ARFIP1: variants seen among roughly 807,000 people sequenced by gnomAD.
ARFIP1 encodes ARF interacting protein 1, also known as arfaptin-1.
A neutral mutation model predicts 42.5 loss-of-function variants in ARFIP1; 24 were observed. That is an observed-to-expected ratio of 0.57 (90% CI 0.41 to 0.80). The LOEUF (loss-of-function observed/expected upper bound fraction) is 0.80, where lower values mean the gene tolerates loss of function less well. Among genes scored for constraint, ARFIP1 ranks in the 30% least tolerant of loss-of-function variants. ARFIP1 has a pLI of 0.00. For missense variants in ARFIP1, 354 were observed against 434.0 expected (o/e 0.82, Z 1.64); for synonymous variants, 141 against 153.7 (o/e 0.92, Z 0.61).
At chr4:152,874,647 G>C (rs1380555713) in intron 5 of ARFIP1, among the ~76,000 whole-genome samples, 2 of 152,096 alleles carry the variant, frequency 1.3e-5, no homozygotes, top group Non-Finnish European at 2.9e-5. Flanking sequence ...TCAGGACTGT[G>C]CTTGTTATCC....
At chr4:152,871,544 A>G (rs1734882997) in intron 4 of ARFIP1, among the ~76,000 whole-genome samples, 2 of 151,776 alleles carry the variant, frequency 1.3e-5, no homozygotes, top group South Asian at 4.2e-4. Context: ...TCGGACTGGT[A>G]AAGCTATGGG....
intron 3 of ARFIP1, among the ~76,000 whole-genome samples, chr4:152,867,182 C>T (rs1413755597): frequency 1.3e-5 from 2 of 152,220 alleles, no homozygotes; most frequent in African/African-American, 2.4e-5. Context: ...CGAGATCACG[C>T]CACTGCACTC....
chr4:152,893,888 C>T (rs1357711962), intron 8 of ARFIP1, among the ~76,000 whole-genome samples: 1 of 152,020 alleles, frequency 6.6e-6, no homozygotes, highest in Non-Finnish European at 1.5e-5. Flanking sequence ...CACAGTGTTT[C>T]ATATATAATC....
chr4:152,850,620 A>C (rs1393970742), intron 2 of ARFIP1: 1 of 152,152 alleles, frequency 6.6e-6, no homozygotes, highest in Non-Finnish European at 1.5e-5. Flanking sequence ...CCTTGTTTTG[A>C]AATTCGGATT....
At chr4:152,781,952 G>A (rs192949182) in intron 1 of ARFIP1, among the ~76,000 whole-genome samples, 259 of 152,298 alleles carry the variant, frequency 1.7e-3, no homozygotes, top group Admixed American at 0.013. Flanking sequence ...AGTGTCCATT[G>A]TTTTTATCAA....
At chr4:152,889,535 AC>A (rs2149898179) in intron 8 of ARFIP1, among the ~76,000 whole-genome samples, 1 of 30,480 alleles carries the variant, frequency 3.3e-5, no homozygotes, top group African/African-American at 7.2e-5. Context: ...ATATATATAT[AC>A]ACCTATTTTT....
At chr4:152,819,528 G>A (rs1312902970) in intron 1 of ARFIP1, among the ~76,000 whole-genome samples, 1 of 152,178 alleles carries the variant, frequency 6.6e-6, no homozygotes, top group Non-Finnish European at 1.5e-5. Context: ...CCAGCCTGGA[G>A]TATGGCAGCT....
intron 1 of ARFIP1, among the ~76,000 whole-genome samples, chr4:152,804,456 A>G (rs1411513786): frequency 9.0e-6 from 1 of 111,256 alleles, no homozygotes; most frequent in African/African-American, 3.4e-5. Flanking sequence ...TATATATTAT[A>G]TATAATATAT....
chr4:152,879,718 G>A (rs1382743790), intron 5 of ARFIP1, among the ~76,000 whole-genome samples: 2 of 152,056 alleles, frequency 1.3e-5, no homozygotes, highest in Middle Eastern at 3.2e-3. Flanking sequence ...GTGTGGTGTC[G>A]CATGCCTCTA....
intron 2 of ARFIP1, among the ~76,000 whole-genome samples, chr4:152,830,862 C>T (rs973108392): frequency 1.3e-5 from 2 of 152,104 alleles, no homozygotes; most frequent in South Asian, 2.1e-4. Context: ...ATAAATAGAT[C>T]GGTTTAAATA....
intron 5 of ARFIP1, among the ~76,000 whole-genome samples, chr4:152,878,607 A>G (rs527948853): frequency 6.6e-6 from 1 of 152,326 alleles, no homozygotes; most frequent in Admixed American, 6.5e-5. Context: ...ACTTCTTTCA[A>G]GTGTCCAGTT....
intron 2 of ARFIP1, among the ~76,000 whole-genome samples, chr4:152,858,113 G>GA (rs1369344888): frequency 6.6e-6 from 1 of 152,080 alleles, no homozygotes; most frequent in African/African-American, 2.4e-5. Flanking sequence ...GCAACATGGC[G>GA]AAACTCCATC....
intron 1 of ARFIP1, among the ~76,000 whole-genome samples, chr4:152,786,624 A>T (rs1730824895): frequency 6.6e-6 from 1 of 152,214 alleles, no homozygotes; most frequent in Non-Finnish European, 1.5e-5. Flanking sequence ...TTGAAGGCAC[A>T]GTGATTTATT....
chr4:152,863,622 T>C lies in ARFIP1; in HGVS notation c.110T>C (p.Leu37Ser), dbSNP rs1339488444. 1 of 1,599,272 alleles carries C rather than the reference T, an allele frequency of 6.3e-7. No individual in the cohort carries two copies. Among genetic ancestry groups the C allele is most frequent in the African/African-American group, 1.3e-5 (1 of 74,560 alleles). ...CTTGCTAAGGATTTGAAGCATTCAT[T>C]ACCATCTGGACTTGGTCTCTCAGAA... Reference protein sequence around the residue: ...HSFNRDLKHSLPSGLGLSETQ... With the variant: ...HSFNRDLKHSSPSGLGLSETQ... Residue 37 changes from leucine (L) to serine (S), a missense_variant, in exon 3 of 9, where the codon TTA (leucine) becomes TCA (serine). Transcript: ENST00000353617.
chr4:152,866,739 A>G (rs1327867875), intron 3 of ARFIP1, among the ~76,000 whole-genome samples: 1 of 149,034 alleles, frequency 6.7e-6, no homozygotes, highest in Non-Finnish European at 1.5e-5. Context: ...CACTTCTCAG[A>G]AGGGGCGGCT....
At chr4:152,849,263 A>G (rs1225025844) in intron 2 of ARFIP1, among the ~76,000 whole-genome samples, 1 of 152,036 alleles carries the variant, frequency 6.6e-6, no homozygotes, top group Non-Finnish European at 1.5e-5. Context: ...AACAAAAGCT[A>G]TTAGTAATAT....
At chr4:152,837,598 A>G (rs988209136) in intron 2 of ARFIP1, among the ~76,000 whole-genome samples, 4 of 152,064 alleles carry the variant, frequency 2.6e-5, no homozygotes, top group African/African-American at 9.7e-5. Flanking sequence ...GTCTATTCAT[A>G]TCTTTAACCT....
chr4:152,799,322 G>A (rs1731659064), intron 1 of ARFIP1, among the ~76,000 whole-genome samples: 1 of 152,122 alleles, frequency 6.6e-6, no homozygotes. Flanking sequence ...AACCTTCAGA[G>A]AAATGGCGAC....
chr4:152,825,719 C>G (rs1175032784), intron 1 of ARFIP1, among the ~76,000 whole-genome samples: 1 of 152,066 alleles, frequency 6.6e-6, no homozygotes, highest in Non-Finnish European at 1.5e-5. Context: ...TTCTGCACAG[C>G]AAAAGAAATA....
Sources: allele counts gnomAD v4.1 joint callset (sites outside exome capture counted in the v4.1 genomes callset), GRCh38; gene constraint gnomAD v4.1.1; transcripts MANE v1.5; gene names NCBI Gene and HGNC (gene_info 2026-07-23, HGNC 2026-07-21).